The following SEC22C variants were observed in gnomAD, a reference collection of about 807,000 sequenced individuals.
SEC22C encodes SEC22 homolog C, vesicle trafficking protein.
A neutral mutation model predicts 34.7 loss-of-function variants in SEC22C; 29 were observed. The ratio of observed to expected loss-of-function variants is 0.84; its 90% CI spans 0.62 to 1.14. SEC22C has a LOEUF of 1.14. Ranked by LOEUF, SEC22C falls within the 50% of genes most tolerant of loss-of-function variation. The pLI is 0.00. For synonymous variants in SEC22C, 117 were observed against 132.8 expected (o/e 0.88, Z 0.82); for missense variants, 337 against 369.0 (o/e 0.91, Z 0.71).
chr3:42,587,909 A>G (rs905941027), intron 1 of SEC22C, among the ~76,000 whole-genome samples: 1 of 151,600 alleles, frequency 6.6e-6, no homozygotes, highest in African/African-American at 2.4e-5. Context: ...CCCCATCTCT[A>G]CCAAAAACAC....
intron 2 of SEC22C, chr3:42,563,896 A>G (rs772519104): frequency 6.5e-5 from 94 of 1,454,436 alleles, no homozygotes; most frequent in Non-Finnish European, 8.3e-5. Context: ...AGTCTTAATC[A>G]ATGACAGCCT....
intron 1 of SEC22C, among the ~76,000 whole-genome samples, chr3:42,594,088 T>C (rs1340252240): frequency 6.6e-6 from 1 of 152,200 alleles, no homozygotes; most frequent in African/African-American, 2.4e-5. Context: ...AGGTTTTGAA[T>C]AGACATATAA....
At chr3:42,555,830 G>A (rs539113283) in intron 6 of SEC22C, 100 bp downstream of exon 6, 414 of 991,122 alleles carry the variant, frequency 4.2e-4, no homozygotes, top group Middle Eastern at 3.7e-3. Context: ...CATGACCTTG[G>A]TGGAACAAAA....
chr3:42,582,944 G>A (rs987538388), upstream of SEC22C, among the ~76,000 whole-genome samples: 1 of 152,210 alleles, frequency 6.6e-6, no homozygotes, highest in African/African-American at 2.4e-5. Flanking sequence ...ATGGATAGTA[G>A]TGATGATCAC....
At chr3:42,584,915 C>T (rs772725764), upstream of SEC22C, among the ~76,000 whole-genome samples, 2 of 152,076 alleles carry the variant, frequency 1.3e-5, no homozygotes, top group African/African-American at 2.4e-5. Flanking sequence ...GTGGGTGGAT[C>T]ACGAGGTCAG....
intron 1 of SEC22C, among the ~76,000 whole-genome samples, chr3:42,577,234 C>T (rs1445478412): frequency 6.6e-6 from 1 of 152,090 alleles, no homozygotes; most frequent in Non-Finnish European, 1.5e-5. Context: ...AAGCATAATC[C>T]ATAAGATAAT....
chr3:42,572,192 A>G (rs1208198252), intron 1 of SEC22C, among the ~76,000 whole-genome samples: 1 of 150,844 alleles, frequency 6.6e-6, no homozygotes, highest in Non-Finnish European at 1.5e-5. Flanking sequence ...TGGAGAAGCT[A>G]GCAAGAAATG....
Position 42,548,888 on chromosome 3 carries a change from A to T in SEC22C, c.*4360T>A, listed in dbSNP as rs1394801796. The T allele has an allele frequency of 7.3e-7, 1 of 1,362,348 alleles. No individual in the cohort carries two copies. Among genetic ancestry groups the T allele is most frequent in the Non-Finnish European group, 9.5e-7 (1 of 1,057,542 alleles). 84.4% of individuals were successfully genotyped at this position (1,362,348 alleles called of 1,614,324 possible). ...GTGAATGTAAAGCCTTTCTCCTCCC[A>T]CACACAATGGACTCACCCAGTATTA... On this transcript the variant is annotated 3_prime_UTR_variant, in exon 7 of 7. Coordinates refer to ENST00000264454, the MANE Select transcript of SEC22C (RefSeq NM_032970.4).
intron 1 of SEC22C, among the ~76,000 whole-genome samples, chr3:42,595,521 T>C (rs983693807): frequency 6.6e-6 from 1 of 152,224 alleles, no homozygotes; most frequent in Non-Finnish European, 1.5e-5. Flanking sequence ...GACCTGACTT[T>C]TAAGTTCCCA....
At chr3:42,558,675 C>T (rs965330594) in intron 4 of SEC22C, among the ~76,000 whole-genome samples, 1 of 151,770 alleles carries the variant, frequency 6.6e-6, no homozygotes, top group Non-Finnish European at 1.5e-5. Context: ...GCCTGTAGTC[C>T]CCGCTACTCA....
Position 42,549,122 on chromosome 3 carries a change from C to G in SEC22C, c.*4126G>C. Reference sequence around the variant, plus strand: ...CTTCTCTCTCAAGGGCACAGCTACACTCTTTCTCCACCATTATTAACACTC... The same window carrying G: ...CTTCTCTCTCAAGGGCACAGCTACAGTCTTTCTCCACCATTATTAACACTC... On this transcript the variant is annotated 3_prime_UTR_variant, in exon 7 of 7. Transcript: ENST00000264454. 1.0e-6 allele frequency: 1 copy of G among 993,680 alleles called. No homozygotes were observed. Among genetic ancestry groups the G allele is most frequent in the Non-Finnish European group, 1.2e-6 (1 of 834,362 alleles). The allele number at this position is 993,680 out of a possible 1,614,324, so 61.6% of individuals were successfully genotyped here.
intron 1 of SEC22C, among the ~76,000 whole-genome samples, chr3:42,595,267 CT>C (rs1704995349): frequency 6.6e-6 from 1 of 152,158 alleles, no homozygotes; most frequent in Non-Finnish European, 1.5e-5. Context: ...CTTTAAGTCA[CT>C]TAAAGAATAC....
intron 1 of SEC22C, among the ~76,000 whole-genome samples, chr3:42,577,641 T>C (rs558402662): frequency 6.6e-6 from 1 of 152,320 alleles, no homozygotes; most frequent in Non-Finnish European, 1.5e-5. Context: ...AAACTGGATC[T>C]CTCATGCATT....
At position 42,552,473 on chromosome 3, in the gene SEC22C, C is replaced by A; in HGVS notation, c.*775G>T. 1 of 984,466 alleles carries A rather than the reference C, an allele frequency of 1.0e-6. No homozygotes were observed. The highest frequency in any genetic ancestry group is 4.7e-5 in the South Asian group (1 of 21,256). The allele number at this position is 984,466 out of a possible 1,614,324, so 61.0% of individuals were successfully genotyped here. A position where few individuals can be genotyped will look rare whatever the true frequency, so the allele number is the denominator to read the frequency against. On this transcript the variant is annotated 3_prime_UTR_variant, in exon 7 of 7. Transcript: ENST00000264454. ...CCTGAAATTCTCATTTCTGCTCATG[C>A]TGACAAACTTATCATCTAGAAGTAC...
At chr3:42,555,725 A>C (rs6441892) in intron 6 of SEC22C, among the ~76,000 whole-genome samples, 68,380 of 152,016 alleles carry the variant, frequency 0.45, 17,888 homozygotes, top group African/African-American at 0.72. Context: ...CTTTCCCTTT[A>C]TGAGCACAAA....
In SEC22C at chr3:42,561,238, C is replaced by G; in HGVS notation, c.405G>C (p.Glu135Asp). Residue 135 changes from glutamate (E) to aspartate (D), a missense_variant, in exon 4 of 7, where the codon GAG (glutamate) becomes GAC (aspartate). Transcript: ENST00000264454. ...HFNYVSSSQM[E>D]CSLEKIQEEL... The stretch of plus-strand genomic sequence containing the variant: ...CCTCCTGAATTTTTTCCAAGCTGCA[C>G]TCCATCTGAGAGGAACTTACATAGT... The G allele has an allele frequency of 6.2e-7, 1 of 1,614,204 alleles. No homozygotes were observed. The highest frequency in any genetic ancestry group is 8.5e-7 in the Non-Finnish European group (1 of 1,180,036).
At chr3:42,584,412 G>A (rs1577364944), upstream of SEC22C, among the ~76,000 whole-genome samples, 1 of 152,038 alleles carries the variant, frequency 6.6e-6, no homozygotes, top group African/African-American at 2.4e-5. Flanking sequence ...CTGCCAACAC[G>A]CCCAGCTAAT....
chr3:42,564,597 A>G lies in SEC22C; in HGVS notation c.183-911T>C, dbSNP rs141779686. ...CCAACTTCAACCTTTTACGAGGCGC[A>G]AGAACAACATTTCAATTTCTTAGGT... On this transcript the variant is annotated intron_variant, in intron 2 of 6. Coordinates refer to ENST00000264454, the MANE Select transcript of SEC22C (RefSeq NM_032970.4). 5.9e-5 allele frequency among the ~76,000 whole-genome samples: 9 copies of G among 152,320 alleles called. No homozygotes were observed. The East Asian group carries it at 1.7e-3, about 29-fold the overall frequency.
intron 1 of SEC22C, among the ~76,000 whole-genome samples, chr3:42,588,512 T>G (rs552488736): frequency 6.6e-6 from 1 of 152,358 alleles, no homozygotes; most frequent in African/African-American, 2.4e-5. Context: ...GGTAAGATAC[T>G]TAATACCCAG....
Sources: gnomAD v4.1 joint callset for allele counts (sites outside exome capture counted in the v4.1 genomes callset) on GRCh38, gnomAD v4.1.1 for gene constraint, MANE v1.5 for transcripts, NCBI Gene and HGNC (gene_info 2026-07-23, HGNC 2026-07-21) for gene names.